SP100: variants seen among roughly 807,000 people sequenced by gnomAD.
The protein encoded by SP100 is SP100 nuclear body protein.
In SP100, 84 loss-of-function variants were observed where a neutral mutation model predicts 130.0. The observed-to-expected ratio is 0.65, with a 90% CI of 0.54 to 0.77. The LOEUF (loss-of-function observed/expected upper bound fraction) is 0.77, where lower values mean the gene tolerates loss of function less well. Ranked by LOEUF, SP100 falls within the 30% of genes least tolerant of loss-of-function variation. The pLI, the probability that SP100 is intolerant of heterozygous loss-of-function variation, is 0.00. For synonymous variants in SP100, 331 were observed against 351.7 expected, an observed-to-expected ratio of 0.94 and a Z score of 0.66; for missense variants, 978 against 1,052.2, an observed-to-expected ratio of 0.93 and a Z score of 0.97.
intron 17 of SP100, among the ~76,000 whole-genome samples, chr2:230,476,990 C>T (rs1056108463): frequency 1.4e-4 from 21 of 152,010 alleles, no homozygotes; most frequent in African/African-American, 3.4e-4. Flanking sequence ...CTCAGCCTCC[C>T]GAGTAGCTAG....
intron 24 of SP100, chr2:230,539,016 A>G: frequency 6.3e-6 from 2 of 319,218 alleles, no homozygotes; most frequent in South Asian, 1.1e-4. Context: ...TCTCTAATTC[A>G]TCCTATTTTT....
chr2:230,517,488 G>A (rs1270052847), intron 24 of SP100, among the ~76,000 whole-genome samples: 2 of 152,032 alleles, frequency 1.3e-5, no homozygotes, highest in Non-Finnish European at 2.9e-5. Context: ...TGGGCCAGGC[G>A]CCATAGCTAA....
intron 24 of SP100, among the ~76,000 whole-genome samples, chr2:230,519,957 T>C (rs1397273166): frequency 1.3e-5 from 2 of 152,216 alleles, no homozygotes; most frequent in Middle Eastern, 3.2e-3. Flanking sequence ...ATAGAGGCAG[T>C]GTACCCTGAG....
chr2:230,498,951 G>A (rs894497588), intron 19 of SP100, among the ~76,000 whole-genome samples: 2 of 152,210 alleles, frequency 1.3e-5, no homozygotes, highest in Admixed American at 6.5e-5. Context: ...CATCTGTAAA[G>A]TGAAATTAAG....
At chr2:230,515,783 T>TTTTTTGTATAG in intron 24 of SP100, 1 of 1,482,470 alleles carries the variant, frequency 6.7e-7, no homozygotes, top group Non-Finnish European at 8.9e-7. Flanking sequence ...TTTGTATAGT[T>TTTTTTGTATAG]AACCACTACC....
chr2:230,431,840 A>G (rs2063109161), intron 2 of SP100, among the ~76,000 whole-genome samples: 1 of 152,138 alleles, frequency 6.6e-6, no homozygotes. Flanking sequence ...TTACTCTTCA[A>G]CTGAGTCTAT....
intron 19 of SP100, among the ~76,000 whole-genome samples, chr2:230,501,749 G>A (rs530661084): frequency 7.8e-4 from 118 of 152,182 alleles, no homozygotes; most frequent in Non-Finnish European, 8.4e-4. Flanking sequence ...TTAAGAAAGA[G>A]CATCCACTTT....
chr2:230,522,725 T>C (rs1691234992), intron 24 of SP100, among the ~76,000 whole-genome samples: 1 of 151,940 alleles, frequency 6.6e-6, no homozygotes, highest in Non-Finnish European at 1.5e-5. Context: ...CTTGACCTCA[T>C]GATCTGCCTG....
At chr2:230,497,688 A>G (rs1305381196) in intron 18 of SP100, among the ~76,000 whole-genome samples, 2 of 152,150 alleles carry the variant, frequency 1.3e-5, no homozygotes, top group Non-Finnish European at 2.9e-5. Flanking sequence ...ACCTACCCCC[A>G]TCACCTGCTG....
At chr2:230,444,122 C>A in intron 3 of SP100, 56 bp from the exon 4 acceptor site, 1 of 1,255,206 alleles carries the variant, frequency 8.0e-7, no homozygotes, top group Non-Finnish European at 1.1e-6. Context: ...CTTTCTAGAG[C>A]TCTTCTGTGA....
At chr2:230,492,260 G>T (rs1198028986) in intron 17 of SP100, among the ~76,000 whole-genome samples, 1 of 152,094 alleles carries the variant, frequency 6.6e-6, no homozygotes, top group African/African-American at 2.4e-5. Flanking sequence ...CAAAGAACTT[G>T]CCCTACAGCC....
chr2:230,511,246 C>A, intron 24 of SP100, 80 bp downstream of exon 24: 3 of 958,610 alleles, frequency 3.1e-6, no homozygotes, highest in Non-Finnish European at 5.1e-6. Flanking sequence ...TGCCTTTCCC[C>A]GAAGCATGCT....
In SP100 at chr2:230,444,239, GTGAAC is replaced by G. The variant is rs1319377440; in HGVS notation, c.335_339del (p.Glu112GlyfsTer5). 1 of 1,612,768 alleles carries G rather than the reference GTGAAC, an allele frequency of 6.2e-7. No individual in the cohort carries two copies. The highest frequency in any genetic ancestry group is 1.1e-5 in the South Asian group (1 of 91,030). ...CAGAGAGTGGTGTACAATGTTCTTA[GTGAAC>G]TGGAGAAGACATTTAACCTGCCAGT... On this transcript the variant is annotated frameshift_variant, in exon 4 of 29. Coordinates refer to ENST00000340126, the MANE Select transcript of SP100 (RefSeq NM_001080391.2). LOFTEE classifies it high-confidence loss of function.
At chr2:230,535,209 T>C (rs1691879897) in intron 24 of SP100, among the ~76,000 whole-genome samples, 1 of 146,612 alleles carries the variant, frequency 6.8e-6, no homozygotes, top group South Asian at 2.2e-4. Flanking sequence ...AAAAAAAAAG[T>C]ATCTTATAAT....
At position 230,449,002 on chromosome 2, in the gene SP100, G is replaced by A. The variant is rs117421841; in HGVS notation, c.524-86G>A. 2.6e-4 allele frequency: 228 copies of A among 874,478 alleles called. No homozygotes were observed. In the East Asian group the frequency reaches 4.7e-3, roughly 18 times the overall value. 54.2% of individuals were successfully genotyped at this position (874,478 alleles called of 1,614,324 possible). ...CCTAGAAGGGGTCTTTAACTCCTAC[G>A]TTACAGAGACCAAAAAGGGATTAGG... On this transcript the variant is annotated intron_variant, in intron 5 of 28. Transcript: ENST00000340126.
chr2:230,511,953 A>G (rs140091271), intron 24 of SP100, among the ~76,000 whole-genome samples: 2 of 152,246 alleles, frequency 1.3e-5, no homozygotes, highest in African/African-American at 4.8e-5. Flanking sequence ...TGCAGCCTCA[A>G]CCTTCTGGGC....
intron 17 of SP100, among the ~76,000 whole-genome samples, chr2:230,489,806 C>A (rs1475857217): frequency 4.6e-5 from 7 of 152,114 alleles, no homozygotes; most frequent in Non-Finnish European, 1.5e-5. Context: ...TGTTCAATTT[C>A]CATGTAATTG....
chr2:230,484,667 G>A (rs2065982737), intron 17 of SP100, among the ~76,000 whole-genome samples: 1 of 152,010 alleles, frequency 6.6e-6, no homozygotes, highest in African/African-American at 2.4e-5. Context: ...TTATAAATGA[G>A]GTCTTCCCTT....
intron 18 of SP100, among the ~76,000 whole-genome samples, chr2:230,498,165 T>C (rs966651918): frequency 3.9e-5 from 6 of 152,238 alleles, no homozygotes; most frequent in African/African-American, 1.4e-4. Flanking sequence ...GCCCTCATTA[T>C]TATTATTCTT....
Sources: allele counts gnomAD v4.1 joint callset (sites outside exome capture counted in the v4.1 genomes callset), GRCh38; gene constraint gnomAD v4.1.1; transcripts MANE v1.5; gene names NCBI Gene and HGNC (gene_info 2026-07-23, HGNC 2026-07-21).